Variants in PPP2R2C observed in about 807,000 individuals in gnomAD.
The protein encoded by PPP2R2C is protein phosphatase 2, regulatory subunit B, gamma.
In PPP2R2C, 10 loss-of-function variants were observed where a neutral mutation model predicts 45.3. The observed-to-expected ratio is 0.22, with a 90% CI of 0.14 to 0.37. The LOEUF (loss-of-function observed/expected upper bound fraction) is 0.37, where lower values mean the gene tolerates loss of function less well. Among genes scored for constraint, PPP2R2C ranks in the 10% least tolerant of loss-of-function variants. The pLI is 1.00. For missense variants in PPP2R2C, 308 were observed against 619.7 expected (o/e 0.50, Z 5.34); for synonymous variants, 257 against 245.4 (o/e 1.05, Z -0.44).
chr4:6,384,987 G>C (rs964207744), intron 1 of PPP2R2C, among the ~76,000 whole-genome samples: 12 of 152,202 alleles, frequency 7.9e-5, no homozygotes, highest in African/African-American at 2.9e-4. Context: ...CAGGATTAGA[G>C]GTTCAAGTGA....
chr4:6,419,154 G>A (rs1167671658), intron 1 of PPP2R2C, among the ~76,000 whole-genome samples: 1 of 152,190 alleles, frequency 6.6e-6, no homozygotes, highest in Non-Finnish European at 1.5e-5. Flanking sequence ...AAAGAAAAAT[G>A]TGCAACAGAT....
chr4:6,325,486 G>T (rs1306151654), intron 8 of PPP2R2C, among the ~76,000 whole-genome samples: 1 of 152,208 alleles, frequency 6.6e-6, no homozygotes, highest in Non-Finnish European at 1.5e-5. Flanking sequence ...ACAGTGGGGA[G>T]GCAGCCCCCT....
At position 6,378,282 on chromosome 4, in the gene PPP2R2C, ATAT is replaced by A; in HGVS notation, c.334+122_334+124del. 6.5e-7 allele frequency: 1 copy of A among 1,533,644 alleles called. No individual in the cohort carries two copies. Among genetic ancestry groups the A allele is most frequent in the Admixed American group, 1.9e-5 (1 of 53,208 alleles). ...GGGATTTATATGCTGCTCAAAAAGGATATTATTTTCTAGGCGTTCTGAAGACAT... is the reference window on the plus strand; with the variant it reads ...GGGATTTATATGCTGCTCAAAAAGGATATTTTCTAGGCGTTCTGAAGACAT... On this transcript the variant is annotated intron_variant, in intron 3 of 8. Transcript: ENST00000382599. The surrounding 1 kb of genome is among the most constrained non-coding windows in gnomAD (Gnocchi z 5.2).
chr4:6,504,189 T>C (rs896705066), intron 2 of PPP2R2C, among the ~76,000 whole-genome samples: 1 of 152,192 alleles, frequency 6.6e-6, no homozygotes, highest in Non-Finnish European at 1.5e-5. Context: ...CCAAGTCCCA[T>C]GTATGAAGTC....
chr4:6,553,171 G>A (rs1214835982), intron 1 of PPP2R2C, among the ~76,000 whole-genome samples: 6 of 152,146 alleles, frequency 3.9e-5, no homozygotes, highest in African/African-American at 7.2e-5. Flanking sequence ...GAGCACAGCC[G>A]ACCCTAGGAT....
chr4:6,476,345 T>A (rs774744163), upstream of PPP2R2C, among the ~76,000 whole-genome samples: 4 of 152,140 alleles, frequency 2.6e-5, no homozygotes, highest in Non-Finnish European at 5.9e-5. Flanking sequence ...TGTCCCCTAA[T>A]GTGATGGTTT....
At chr4:6,343,981 C>T (rs1711573043) in intron 6 of PPP2R2C, among the ~76,000 whole-genome samples, 1 of 152,256 alleles carries the variant, frequency 6.6e-6, no homozygotes, top group African/African-American at 2.4e-5. Flanking sequence ...ACCCTGTCTA[C>T]AGACTTGGGA....
At chr4:6,504,866 A>G (rs1723170156) in intron 2 of PPP2R2C, among the ~76,000 whole-genome samples, 1 of 152,174 alleles carries the variant, frequency 6.6e-6, no homozygotes, top group South Asian at 2.1e-4. Flanking sequence ...TGACAAAAGA[A>G]CGAGGCACAA....
intron 1 of PPP2R2C, among the ~76,000 whole-genome samples, chr4:6,555,293 A>T (rs948381676): frequency 6.6e-6 from 1 of 152,216 alleles, no homozygotes; most frequent in Non-Finnish European, 1.5e-5. Context: ...ACACAGCCCC[A>T]ACACACTAAC....
intron 1 of PPP2R2C, among the ~76,000 whole-genome samples, chr4:6,452,079 G>A (rs1025428541): frequency 1.3e-5 from 2 of 152,188 alleles, no homozygotes; most frequent in Non-Finnish European, 2.9e-5. Flanking sequence ...AGAGTGGCCT[G>A]TGTAAGTGTG....
At chr4:6,510,990 C>CAAAAAAAAAAAAAAA (rs1389589810) in intron 2 of PPP2R2C, among the ~76,000 whole-genome samples, 1 of 130,908 alleles carries the variant, frequency 7.6e-6, no homozygotes, top group East Asian at 2.2e-4. Flanking sequence ...CAAAAAAAAA[C>CAAAAAAAAAAAAAAA]AAACAAACAA....
chr4:6,527,032 G>T (rs1396541115), intron 2 of PPP2R2C, among the ~76,000 whole-genome samples: 7 of 152,172 alleles, frequency 4.6e-5, no homozygotes, highest in African/African-American at 1.7e-4. Context: ...CAATGCGGAG[G>T]AGAAGGAGCC....
intron 6 of PPP2R2C, among the ~76,000 whole-genome samples, chr4:6,337,660 C>A (rs57269465): frequency 0.062 from 9,459 of 152,132 alleles, 1,004 homozygotes; most frequent in African/African-American, 0.22. Flanking sequence ...CAGGGGGCAC[C>A]GGTGCTGGGT....
At chr4:6,370,836 C>T (rs1264752505) in intron 5 of PPP2R2C, among the ~76,000 whole-genome samples, 1 of 152,202 alleles carries the variant, frequency 6.6e-6, no homozygotes, top group African/African-American at 2.4e-5. Context: ...GATGTCCTTT[C>T]GGCTTCAGTG....
chr4:6,534,130 A>G (rs1427017539), intron 2 of PPP2R2C, among the ~76,000 whole-genome samples: 1 of 151,140 alleles, frequency 6.6e-6, no homozygotes, highest in East Asian at 1.9e-4. Context: ...ATCAACACAT[A>G]CACTAACACA....
At chr4:6,469,909 C>T (rs1248285251) in intron 1 of PPP2R2C, among the ~76,000 whole-genome samples, 1 of 152,210 alleles carries the variant, frequency 6.6e-6, no homozygotes, top group Non-Finnish European at 1.5e-5. Context: ...GCCCTATGCC[C>T]TGCACACACT....
intron 1 of PPP2R2C, among the ~76,000 whole-genome samples, chr4:6,385,810 G>T (rs1479936723): frequency 1.3e-5 from 2 of 152,046 alleles, no homozygotes; most frequent in Non-Finnish European, 1.5e-5. Flanking sequence ...CAAGTGATCT[G>T]CCCACCTCGA....
Position 6,349,400 on chromosome 4 carries a change from T to C in PPP2R2C, c.626-1390A>G, listed in dbSNP as rs1019049228. The stretch of plus-strand genomic sequence containing the variant: ...CAGCAGTATAGCCTTATCACTTCGC[T>C]GTGAAGATCATCAGAGGCAAAGCCC... On this transcript the variant is annotated intron_variant, in intron 5 of 8. Transcript: ENST00000382599. The C allele has an allele frequency of 1.1e-5, 11 of 973,402 alleles. No individual in the cohort carries two copies. In the African/African-American group the frequency reaches 1.8e-4, roughly 16 times the overall value. 60.3% of individuals were successfully genotyped at this position (973,402 alleles called of 1,614,324 possible). A position where few individuals can be genotyped will look rare whatever the true frequency, so the allele number is the denominator to read the frequency against.
chr4:6,445,381 A>G (rs1459277089), intron 1 of PPP2R2C, among the ~76,000 whole-genome samples: 1 of 152,234 alleles, frequency 6.6e-6, no homozygotes, highest in Non-Finnish European at 1.5e-5. Context: ...ACTGGAACCA[A>G]TTTAAGAGAA....
Sources: gnomAD v4.1 joint callset for allele counts (sites outside exome capture counted in the v4.1 genomes callset) on GRCh38, gnomAD v4.1.1 for gene constraint, Gnocchi (gnomAD v3.1) non-coding constraint, MANE v1.5 for transcripts, NCBI Gene and HGNC (gene_info 2026-07-23, HGNC 2026-07-21) for gene names.